NPAS3: variants seen among roughly 807,000 people sequenced by gnomAD.
NPAS3 encodes neuronal PAS domain-containing protein 3.
Under a neutral mutation model 73.1 loss-of-function variants are expected in NPAS3, and 14 were observed. The observed-to-expected ratio is 0.19, with a 90% CI of 0.13 to 0.30. The LOEUF (loss-of-function observed/expected upper bound fraction) is 0.30, where lower values mean the gene tolerates loss of function less well. NPAS3 is among the 10% of genes least tolerant of loss of function. The pLI is 1.00. For synonymous variants in NPAS3, 620 were observed against 541.5 expected (o/e 1.14, Z -2.01); for missense variants, 1,096 against 1,250.0 (o/e 0.88, Z 1.86).
At chr14:33,672,868 TTAATAGATGG>T (rs2059651219) in intron 5 of NPAS3, among the ~76,000 whole-genome samples, 1 of 152,208 alleles carries the variant, frequency 6.6e-6, no homozygotes, top group South Asian at 2.1e-4. Context: ...TCAGGAGGTA[TTAATAGATGG>T]TTTTTAAGGT....
At chr14:33,106,171 A>G (rs1014203664) in intron 2 of NPAS3, among the ~76,000 whole-genome samples, 1 of 152,182 alleles carries the variant, frequency 6.6e-6, no homozygotes, top group Non-Finnish European at 1.5e-5. Context: ...TCCAATATAG[A>G]CTTTTCCTTC....
chr14:33,065,145 CAA>C (rs1199826209), intron 2 of NPAS3, among the ~76,000 whole-genome samples: 3 of 152,166 alleles, frequency 2.0e-5, no homozygotes, highest in Non-Finnish European at 4.4e-5. Context: ...TTTCAGCAGA[CAA>C]ATCTTTCCGT....
intron 3 of NPAS3, among the ~76,000 whole-genome samples, chr14:33,296,185 C>T (rs929686843): frequency 6.6e-6 from 1 of 152,100 alleles, no homozygotes; most frequent in Non-Finnish European, 1.5e-5. Flanking sequence ...TTTCCTTCTG[C>T]CATGTAAAGA....
intron 3 of NPAS3, among the ~76,000 whole-genome samples, chr14:33,270,034 C>T (rs878580): frequency 0.033 from 5,059 of 152,112 alleles, 279 homozygotes; most frequent in African/African-American, 0.11. Flanking sequence ...GGACACAGGA[C>T]AGGGCAGGGG....
intron 9 of NPAS3, among the ~76,000 whole-genome samples, chr14:33,779,031 G>A (rs1398295749): frequency 2.0e-5 from 3 of 152,234 alleles, no homozygotes; most frequent in Non-Finnish European, 4.4e-5. Context: ...GGGAGATGGG[G>A]CAGAGCACGT....
intron 9 of NPAS3, 91 bp from the exon 10 acceptor site, chr14:33,793,806 T>C (rs1182512288): frequency 2.3e-6 from 3 of 1,296,934 alleles, no homozygotes; most frequent in African/African-American, 3.0e-5. Flanking sequence ...CTCCCATTTT[T>C]AGGCTTAAGG....
chr14:33,136,780 C>G (rs956793594), intron 2 of NPAS3, among the ~76,000 whole-genome samples: 3 of 152,298 alleles, frequency 2.0e-5, no homozygotes, highest in Admixed American at 6.5e-5. Context: ...CAGCAATGGC[C>G]TTTGCATCTG....
intron 1 of NPAS3, among the ~76,000 whole-genome samples, chr14:32,948,971 G>C (rs77958380): frequency 0.022 from 3,381 of 152,012 alleles, 102 homozygotes; most frequent in African/African-American, 0.078. Flanking sequence ...TTAATTCTTC[G>C]CTATGGTCAG....
At chr14:33,478,249 C>T (rs1461388263) in intron 4 of NPAS3, among the ~76,000 whole-genome samples, 1 of 152,148 alleles carries the variant, frequency 6.6e-6, no homozygotes, top group East Asian at 1.9e-4. Flanking sequence ...AACCTTAATA[C>T]TTCATGCCAA....
chr14:33,682,500 C>T (rs2059967821), intron 6 of NPAS3, among the ~76,000 whole-genome samples: 1 of 152,156 alleles, frequency 6.6e-6, no homozygotes. Context: ...GGGTGCACTC[C>T]AAAAGCAAGC....
rs1555371843 is a variant in NPAS3 at position 33,308,527 on chromosome 14, T to TACACACACACACACACACACACAC, written c.386-58656_386-58655insCACACACACACACACACACACACA. On this transcript the variant is annotated intron_variant, in intron 3 of 11. Transcript: ENST00000356141. ...TGCATAGTTTATATATATATATATA[T>TACACACACACACACACACACACAC]ACATACACACACACACACACACACA... Among the ~76,000 whole-genome samples, 21 of 103,730 alleles carry TACACACACACACACACACACACAC rather than the reference T, an allele frequency of 2.0e-4. No individual in the cohort carries two copies. In the East Asian group the frequency reaches 4.6e-3, roughly 23 times the overall value. The allele number at this position is 103,730 out of a possible 152,430, so 68.1% of individuals were successfully genotyped here.
At chr14:33,729,022 T>C (rs1012974668) in intron 6 of NPAS3, among the ~76,000 whole-genome samples, 4 of 152,172 alleles carry the variant, frequency 2.6e-5, no homozygotes, top group Non-Finnish European at 4.4e-5. Context: ...TGCCTACTTA[T>C]ATAAAGCACA....
chr14:33,316,443 GA>G (rs1370697326), intron 3 of NPAS3, among the ~76,000 whole-genome samples: 1 of 152,060 alleles, frequency 6.6e-6, no homozygotes, highest in African/African-American at 2.4e-5. Context: ...TGCAGACTCA[GA>G]GAGACACAGG....
intron 4 of NPAS3, among the ~76,000 whole-genome samples, chr14:33,440,893 C>CA (rs781720910): frequency 0.022 from 2,926 of 131,402 alleles, 35 homozygotes; most frequent in Non-Finnish European, 0.035. Flanking sequence ...AACTCCATCT[C>CA]AAAAAAAAAA....
chr14:33,504,388 C>T (rs575060354), intron 4 of NPAS3, among the ~76,000 whole-genome samples: 2 of 152,040 alleles, frequency 1.3e-5, no homozygotes, highest in South Asian at 2.1e-4. Flanking sequence ...AAACTACCAA[C>T]AATAAAAGCT....
intron 1 of NPAS3, among the ~76,000 whole-genome samples, chr14:33,030,607 A>C (rs2039955475): frequency 6.6e-6 from 1 of 152,148 alleles, no homozygotes; most frequent in African/African-American, 2.4e-5. Context: ...GATCAGACTC[A>C]ATGTCAAAAC....
At chr14:33,338,099 C>G (rs1025142311) in intron 3 of NPAS3, among the ~76,000 whole-genome samples, 5 of 151,942 alleles carry the variant, frequency 3.3e-5, no homozygotes, top group Non-Finnish European at 7.4e-5. Flanking sequence ...GTTAGAACCT[C>G]TAGTACAGTG....
chr14:33,784,733 A>ATTTATTT (rs2063093982), intron 9 of NPAS3, among the ~76,000 whole-genome samples: 1 of 78,328 alleles, frequency 1.3e-5, no homozygotes, highest in African/African-American at 6.9e-5. Context: ...TTATTTATTT[A>ATTTATTT]TTTATTTATT....
At chr14:33,792,876 C>A (rs890225046) in intron 9 of NPAS3, among the ~76,000 whole-genome samples, 1 of 152,228 alleles carries the variant, frequency 6.6e-6, no homozygotes, top group African/African-American at 2.4e-5. Context: ...AGTGGCCAGC[C>A]AGCCGGTGAG....
Sources: allele counts gnomAD v4.1 joint callset (sites outside exome capture counted in the v4.1 genomes callset), GRCh38; gene constraint gnomAD v4.1.1; transcripts MANE v1.5; gene names NCBI Gene and HGNC (gene_info 2026-07-23, HGNC 2026-07-21).